Variants in GATC observed in about 807,000 individuals in gnomAD.
GATC encodes the protein glutamyl-tRNA amidotransferase subunit C.
GATC carries 11 observed loss-of-function variants against 14.4 expected under a neutral mutation model. The observed-to-expected ratio is 0.77, with a 90% CI of 0.48 to 1.27. The LOEUF (loss-of-function observed/expected upper bound fraction) is 1.27. Ranked by LOEUF, GATC falls within the 50% of genes most tolerant of loss-of-function variation. GATC has a pLI of 0.00. For synonymous variants in GATC, 76 were observed against 79.3 expected (o/e 0.96, Z 0.22); for missense variants, 204 against 183.0 (o/e 1.11, Z -0.66).
chr12:120,458,577 A>G (rs1051022428), intron 3 of GATC, among the ~76,000 whole-genome samples: 1 of 152,238 alleles, frequency 6.6e-6, no homozygotes, highest in Non-Finnish European at 1.5e-5. Flanking sequence ...CTGGGCTGAC[A>G]GTAAAATCCA....
intron 2 of GATC, among the ~76,000 whole-genome samples, chr12:120,454,696 T>A (rs1446542272): frequency 6.6e-6 from 1 of 151,962 alleles, no homozygotes; most frequent in Non-Finnish European, 1.5e-5. Context: ...ATCACAGGCA[T>A]GAGGCACCGC....
chr12:120,447,056 GTTTT>G (rs11340122), intron 2 of GATC, among the ~76,000 whole-genome samples: 10 of 142,598 alleles, frequency 7.0e-5, no homozygotes, highest in African/African-American at 1.0e-4. Flanking sequence ...CACTGCCTTT[GTTTT>G]TTTTTTTGTT....
chr12:120,457,386 G>A (rs1175167234), intron 3 of GATC, among the ~76,000 whole-genome samples: 1 of 151,992 alleles, frequency 6.6e-6, no homozygotes, highest in African/African-American at 2.4e-5. Flanking sequence ...AACAGGATTG[G>A]GGGCATGCGG....
At chr12:120,455,255 G>A (rs920676257) in intron 2 of GATC, among the ~76,000 whole-genome samples, 5 of 150,884 alleles carry the variant, frequency 3.3e-5, no homozygotes, top group African/African-American at 9.8e-5. Flanking sequence ...TGCAACCTCC[G>A]CCTCCTGGGT....
chr12:120,463,388 T>C lies in GATC; in HGVS notation c.*3429T>C, dbSNP rs1592990873. 1.5e-5 allele frequency: 1 copy of C among 67,308 alleles called. No homozygotes were observed. The highest frequency in any genetic ancestry group is 1.6e-4 in the African/African-American group (1 of 6,358). 4.2% of individuals were successfully genotyped at this position (67,308 alleles called of 1,614,324 possible). ...TTCAAGGTCAGCCTCGGCAATATAA[T>C]GAGACTGTCTCTAAAATCAAAAATT... is the stretch of plus-strand genomic sequence containing the variant. On this transcript the variant is annotated 3_prime_UTR_variant, in exon 4 of 4. Transcript: ENST00000551765.
At chr12:120,451,872 A>ATTCTTTTTTTTTTT (rs1878055669) in intron 2 of GATC, among the ~76,000 whole-genome samples, 6 of 88,132 alleles carry the variant, frequency 6.8e-5, no homozygotes, top group African/African-American at 2.3e-4. Flanking sequence ...AATTATATAA[A>ATTCTTTTTTTTTTT]TTCTTTTTTT....
intron 2 of GATC, among the ~76,000 whole-genome samples, chr12:120,447,335 A>C (rs1439834914): frequency 1.3e-5 from 2 of 151,894 alleles, no homozygotes; most frequent in Non-Finnish European, 2.9e-5. Flanking sequence ...TCGGCCTCCC[A>C]AAGTGCTGGG....
rs570784255 is a variant in GATC, at chr12:120,459,836, A to G, written c.359-71A>G. The G allele has an allele frequency of 1.3e-3, 1,643 of 1,222,826 alleles. 5 individuals carry two copies. The highest frequency in any genetic ancestry group is 1.9e-3 in the Middle Eastern group (7 of 3,782). 75.7% of individuals were successfully genotyped at this position (1,222,826 alleles called of 1,614,324 possible). A position where few individuals can be genotyped will look rare whatever the true frequency, so the allele number is the denominator to read the frequency against. ...TGCGCCACTGCACTCCAGCCTGGGCAACAGCGAGACTCTGTCTCAAAACAA... is the reference window on the plus strand; with the variant it reads ...TGCGCCACTGCACTCCAGCCTGGGCGACAGCGAGACTCTGTCTCAAAACAA... On this transcript the variant is annotated intron_variant, in intron 3 of 3. Transcript: ENST00000551765.
intron 2 of GATC, among the ~76,000 whole-genome samples, chr12:120,454,096 C>T (rs141812314): frequency 3.3e-5 from 5 of 152,202 alleles, no homozygotes; most frequent in East Asian, 3.9e-4. Context: ...AGCATTTAAC[C>T]GCCTATTGGC....
At chr12:120,454,569 T>C (rs549722577) in intron 2 of GATC, among the ~76,000 whole-genome samples, 6 of 141,596 alleles carry the variant, frequency 4.2e-5, no homozygotes, top group Non-Finnish European at 9.5e-5. Flanking sequence ...CCACCACGCC[T>C]GGCTAATTTT....
intron 2 of GATC, among the ~76,000 whole-genome samples, chr12:120,452,269 T>C (rs1211552356): frequency 6.6e-6 from 1 of 152,136 alleles, no homozygotes; most frequent in Non-Finnish European, 1.5e-5. Flanking sequence ...AGAAAGGTTA[T>C]ATAATGTGCC....
chr12:120,454,359 AAT>A (rs1174604427), intron 2 of GATC, among the ~76,000 whole-genome samples: 1 of 152,180 alleles, frequency 6.6e-6, no homozygotes, highest in Non-Finnish European at 1.5e-5. Context: ...AGGAAACTGA[AAT>A]ATAGAGAGGA....
At chr12:120,454,566 G>A (rs989815804) in intron 2 of GATC, among the ~76,000 whole-genome samples, 7 of 145,180 alleles carry the variant, frequency 4.8e-5, no homozygotes, top group Admixed American at 1.4e-4. Context: ...CCGCCACCAC[G>A]CCTGGCTAAT....
rs368556877 is a variant in GATC at position 120,446,522 on chromosome 12, G to C, written c.42G>C (p.Leu14=). The C allele has an allele frequency of 3.9e-4, 622 of 1,602,772 alleles. 1 individual carries two copies. Among genetic ancestry groups the C allele is most frequent in the Admixed American group, 4.9e-4 (29 of 59,182 alleles). Residue 14 remains leucine (L), a synonymous_variant, in exon 1 of 4, where the codon CTG becomes CTC. Coordinates refer to ENST00000551765, the MANE Select transcript of GATC (RefSeq NM_176818.3). The part of the protein sequence containing the change: ...RLVWLGLRAP[L]GGRQGFTSKA... Reference sequence around the variant, plus strand: ...TGTGGCTGGGCCTTCGGGCCCCTCTGGGCGGGCGCCAGGGCTTCACCTCCA... The same window carrying C: ...TGTGGCTGGGCCTTCGGGCCCCTCTCGGCGGGCGCCAGGGCTTCACCTCCA...
At chr12:120,455,724 C>T (rs188278090) in intron 2 of GATC, among the ~76,000 whole-genome samples, 15 of 151,988 alleles carry the variant, frequency 9.9e-5, no homozygotes, top group Admixed American at 3.9e-4. Context: ...ATCGCTCTGT[C>T]GCCCAGGCTG....
chr12:120,449,444 T>G (rs1171842745), intron 2 of GATC, among the ~76,000 whole-genome samples: 2 of 138,120 alleles, frequency 1.4e-5, no homozygotes, highest in African/African-American at 2.5e-5. Flanking sequence ...TAAATGTGTT[T>G]TGTTTTGTTT....
At chr12:120,451,004 C>T (rs1025562606) in intron 2 of GATC, among the ~76,000 whole-genome samples, 1 of 151,702 alleles carries the variant, frequency 6.6e-6, no homozygotes, top group Admixed American at 6.6e-5. Flanking sequence ...ATTTGCCGGG[C>T]ATGGTGGTGC....
At position 120,460,035 on chromosome 12, in the gene GATC, A is replaced by C; in HGVS notation, c.*76A>C. 1.8e-6 allele frequency: 2 copies of C among 1,107,160 alleles called. No individual in the cohort carries two copies. The highest frequency in any genetic ancestry group is 2.7e-6 in the Non-Finnish European group (2 of 738,768). The allele number at this position is 1,107,160 out of a possible 1,614,324, so 68.6% of individuals were successfully genotyped here. A position where few individuals can be genotyped will look rare whatever the true frequency, so the allele number is the denominator to read the frequency against. ...ACAGTATTTTTTTACTGTGAATACT[A>C]ATGTTCCTGCTTTTTTCAGTCCCCT... On this transcript the variant is annotated 3_prime_UTR_variant, in exon 4 of 4. Coordinates refer to ENST00000551765, the MANE Select transcript of GATC (RefSeq NM_176818.3).
chr12:120,446,517 C>A lies in GATC; in HGVS notation c.37C>A (p.Pro13Thr). The A allele has an allele frequency of 1.9e-6, 3 of 1,605,776 alleles. No homozygotes were observed. Among genetic ancestry groups the A allele is most frequent in the Non-Finnish European group, 2.6e-6 (3 of 1,175,424 alleles). ...GTTGGTGTGGCTGGGCCTTCGGGCC[C>A]CTCTGGGCGGGCGCCAGGGCTTCAC... ...SRLVWLGLRAPLGGRQGFTSK... is the reference protein window; with the variant it reads ...SRLVWLGLRATLGGRQGFTSK... The change falls in exon 1 of 4, where the codon CCT becomes ACT. Residue 13 changes from proline to threonine, a missense_variant. By Grantham distance (38) the Pro-to-Thr change is conservative. Transcript: ENST00000551765.
Sources: gnomAD v4.1 joint callset for allele counts (sites outside exome capture counted in the v4.1 genomes callset) on GRCh38, gnomAD v4.1.1 for gene constraint, MANE v1.5 for transcripts, NCBI Gene and HGNC (gene_info 2026-07-23, HGNC 2026-07-21) for gene names.